Variants in MPPED2 observed in about 807,000 individuals in gnomAD.
MPPED2 encodes the protein metallophosphoesterase domain containing 2.
Under a neutral mutation model 33.0 loss-of-function variants are expected in MPPED2, and 5 were observed. The ratio of observed to expected loss-of-function variants is 0.15; its 90% CI spans 0.08 to 0.32. The LOEUF (loss-of-function observed/expected upper bound fraction) is 0.32, where lower values mean the gene tolerates loss of function less well. Ranked by LOEUF, MPPED2 falls within the 10% of genes least tolerant of loss-of-function variation. The pLI, the probability that MPPED2 is intolerant of heterozygous loss-of-function variation, is 1.00. For missense variants in MPPED2, 275 were observed against 372.1 expected (o/e 0.74, Z 2.15); for synonymous variants, 136 against 141.9 (o/e 0.96, Z 0.29).
intron 4 of MPPED2, among the ~76,000 whole-genome samples, chr11:30,457,427 C>G (rs1028785006): frequency 4.6e-5 from 7 of 150,682 alleles, no homozygotes; most frequent in African/African-American, 1.7e-4. Context: ...TTGCTGAAAG[C>G]TGATATCGCA....
intron 3 of MPPED2, among the ~76,000 whole-genome samples, chr11:30,500,133 TC>T (rs1299403436): frequency 3.3e-5 from 5 of 152,206 alleles, no homozygotes. Flanking sequence ...GCTTCTACTC[TC>T]CTTCCAAAAG....
chr11:30,585,044 C>G (rs1478449261), intron 1 of MPPED2: 1 of 152,090 alleles, frequency 6.6e-6, no homozygotes, highest in African/African-American at 2.4e-5. Context: ...CTGGGGCATC[C>G]TTAATTTATT....
At chr11:30,414,182 T>C (rs1056985890) in intron 6 of MPPED2, 46 bp downstream of exon 6, 3 of 1,349,514 alleles carry the variant, frequency 2.2e-6, no homozygotes, top group African/African-American at 1.4e-5. Flanking sequence ...ACTGAGATAG[T>C]GGACAGGGGC....
At chr11:30,535,562 A>G (rs2134480630) in intron 3 of MPPED2, among the ~76,000 whole-genome samples, 1 of 152,318 alleles carries the variant, frequency 6.6e-6, no homozygotes, top group South Asian at 2.1e-4. Flanking sequence ...TTTGTTTCAT[A>G]TAAGGACTTT....
intron 2 of MPPED2, among the ~76,000 whole-genome samples, chr11:30,551,002 A>C (rs961132118): frequency 6.6e-6 from 1 of 152,158 alleles, no homozygotes; most frequent in Non-Finnish European, 1.5e-5. Flanking sequence ...AATCTTTCAT[A>C]CTTTTTCAAA....
chr11:30,436,050 CTTTTTTT>C (rs71060449), intron 4 of MPPED2, among the ~76,000 whole-genome samples: 2 of 108,458 alleles, frequency 1.8e-5, no homozygotes, highest in Admixed American at 9.8e-5. Flanking sequence ...AGTTTAGCAT[CTTTTTTT>C]TTTTTTTTTT....
intron 2 of MPPED2, among the ~76,000 whole-genome samples, chr11:30,569,205 C>T (rs1403375003): frequency 6.6e-6 from 1 of 152,004 alleles, no homozygotes; most frequent in African/African-American, 2.4e-5. Context: ...CCGAGGGGCA[C>T]AACGTGGAGC....
chr11:30,546,376 A>G (rs1955427796), intron 2 of MPPED2, among the ~76,000 whole-genome samples: 2 of 151,938 alleles, frequency 1.3e-5, no homozygotes, highest in African/African-American at 4.8e-5. Context: ...GAGAGTTGGG[A>G]GTGGGGTTTA....
At chr11:30,452,267 T>A (rs1950095333) in intron 4 of MPPED2, among the ~76,000 whole-genome samples, 1 of 152,178 alleles carries the variant, frequency 6.6e-6, no homozygotes, top group Non-Finnish European at 1.5e-5. Context: ...CACCTTGATC[T>A]TGTTTCCTGT....
chr11:30,575,297 T>G (rs764384530), intron 2 of MPPED2, among the ~76,000 whole-genome samples: 1 of 152,234 alleles, frequency 6.6e-6, no homozygotes, highest in Non-Finnish European at 1.5e-5. Context: ...TATCTCATAC[T>G]CATCAGCTGG....
chr11:30,560,675 GCCTGCAT>G (rs1055810912), intron 2 of MPPED2, among the ~76,000 whole-genome samples: 5 of 152,176 alleles, frequency 3.3e-5, no homozygotes, highest in Non-Finnish European at 7.3e-5. Context: ...GAGAAAAACA[GCCTGCAT>G]CCCATAACAT....
At chr11:30,393,949 G>A (rs1011384602) in intron 6 of MPPED2, among the ~76,000 whole-genome samples, 1 of 152,158 alleles carries the variant, frequency 6.6e-6, no homozygotes, top group Admixed American at 6.5e-5. Context: ...TTGTAGTCAT[G>A]CTTTGCCCCC....
At chr11:30,416,818 T>C (rs1427237852) in intron 5 of MPPED2, among the ~76,000 whole-genome samples, 1 of 152,230 alleles carries the variant, frequency 6.6e-6, no homozygotes, top group Non-Finnish European at 1.5e-5. Context: ...TTGAAGGATG[T>C]TCTGTAGCTA....
chr11:30,440,062 G>A (rs988556334), intron 4 of MPPED2, among the ~76,000 whole-genome samples: 5 of 152,290 alleles, frequency 3.3e-5, no homozygotes, highest in East Asian at 1.9e-4. Flanking sequence ...GGGTATGGTG[G>A]CTCACACCTA....
intron 2 of MPPED2, among the ~76,000 whole-genome samples, chr11:30,573,566 C>T (rs1284383735): frequency 1.3e-5 from 2 of 152,162 alleles, no homozygotes; most frequent in Non-Finnish European, 2.9e-5. Context: ...TGAAGACCTT[C>T]CAGTGGGACA....
chr11:30,525,431 C>G (rs533483862), intron 3 of MPPED2, among the ~76,000 whole-genome samples: 12 of 151,528 alleles, frequency 7.9e-5, no homozygotes, highest in Non-Finnish European at 1.6e-4. Context: ...AACAGTGATA[C>G]AATTTTCATA....
rs1948056896 is a variant in MPPED2, at chr11:30,410,302, CT to C, written c.*1165del. ...CACAATAAATTTAAAGAAACAACTG[CT>C]TTCCTAAATTTCATTAACAAAGTAA... On this transcript the variant is annotated 3_prime_UTR_variant, in exon 7 of 7. Transcript: ENST00000358117. 6 of 985,072 alleles carry C rather than the reference CT, an allele frequency of 6.1e-6. No homozygotes were observed. The highest frequency in any genetic ancestry group is 7.2e-6 in the Non-Finnish European group (6 of 829,252). 61.0% of individuals were successfully genotyped at this position (985,072 alleles called of 1,614,324 possible).
chr11:30,556,688 C>T (rs1212709527), intron 2 of MPPED2, among the ~76,000 whole-genome samples: 1 of 152,166 alleles, frequency 6.6e-6, no homozygotes, highest in Non-Finnish European at 1.5e-5. Flanking sequence ...ATGGGAATAA[C>T]ACCACTCACT....
chr11:30,389,389 A>C (rs973747381), intron 6 of MPPED2, among the ~76,000 whole-genome samples: 2 of 152,198 alleles, frequency 1.3e-5, no homozygotes, highest in African/African-American at 4.8e-5. Context: ...ATATTTGAAA[A>C]TGATGCCCTG....
Sources: gnomAD v4.1 joint callset for allele counts (sites outside exome capture counted in the v4.1 genomes callset) on GRCh38, gnomAD v4.1.1 for gene constraint, MANE v1.5 for transcripts, NCBI Gene and HGNC (gene_info 2026-07-23, HGNC 2026-07-21) for gene names.